Variants in BST1 observed in about 807,000 individuals in gnomAD.
BST1 encodes ADP-ribosyl cyclase/cyclic ADP-ribose hydrolase 2.
Under a neutral mutation model 40.6 loss-of-function variants are expected in BST1, and 49 were observed. That is an observed-to-expected ratio of 1.21 (90% CI 0.96 to 1.53). The LOEUF (loss-of-function observed/expected upper bound fraction) is 1.53. Among genes scored for constraint, BST1 ranks in the 40% most tolerant of loss-of-function variants. BST1 has a pLI of 0.00. For missense variants in BST1, 423 were observed against 395.9 expected (o/e 1.07, Z -0.58); for synonymous variants, 157 against 159.3 (o/e 0.99, Z 0.11).
At chr4:15,763,694 G>A in the BST1 span, among the ~76,000 whole-genome samples, 1 of 151,928 alleles carries the variant, frequency 6.6e-6, no homozygotes, top group Non-Finnish European at 1.5e-5. Flanking sequence ...GTTGGTAAAT[G>A]GATAAATTGT....
chr4:15,706,047 C>G (rs1253862682), intron 2 of BST1, among the ~76,000 whole-genome samples: 2 of 152,162 alleles, frequency 1.3e-5, no homozygotes, highest in African/African-American at 4.8e-5. Context: ...TTGTAAACAA[C>G]TGGATCTTCT....
chr4:15,707,966 G>T (rs1229745139), intron 3 of BST1, among the ~76,000 whole-genome samples: 1 of 150,872 alleles, frequency 6.6e-6, no homozygotes, highest in Non-Finnish European at 1.5e-5. Flanking sequence ...CAACCTCATG[G>T]GATCCTATCA....
chr4:15,711,918 G>A (rs1295999257), intron 4 of BST1, 29 bp downstream of exon 4: 14 of 1,585,182 alleles, frequency 8.8e-6, no homozygotes, highest in Admixed American at 1.7e-5. Context: ...CTGAGTGGTT[G>A]AGCATGTGTG....
the BST1 span, among the ~76,000 whole-genome samples, chr4:15,773,622 G>A: frequency 3.9e-5 from 6 of 152,142 alleles, no homozygotes; most frequent in South Asian, 6.2e-4. Flanking sequence ...GCAACATGGC[G>A]AAACCCCATC....
the BST1 span, among the ~76,000 whole-genome samples, chr4:15,762,138 G>A: frequency 7.2e-6 from 1 of 138,252 alleles, no homozygotes; most frequent in Non-Finnish European, 1.5e-5. Context: ...GCGGTGAGCC[G>A]AGATCGCGCC....
chr4:15,726,062 C>T (rs1721092233), intron 8 of BST1, among the ~76,000 whole-genome samples: 3 of 145,888 alleles, frequency 2.1e-5, no homozygotes, highest in African/African-American at 5.0e-5. Context: ...CCTGGGCTCA[C>T]GTGATCCTCC....
At chr4:15,739,676 G>A (rs1031691793), downstream of BST1, among the ~76,000 whole-genome samples, 17 of 151,968 alleles carry the variant, frequency 1.1e-4, 1 homozygote, top group Admixed American at 9.8e-4. Context: ...TAGGACATGT[G>A]ACACAGTAAC....
downstream of BST1, among the ~76,000 whole-genome samples, chr4:15,739,929 GAGAC>G (rs753944568): frequency 3.0e-4 from 46 of 152,110 alleles, no homozygotes; most frequent in Middle Eastern, 6.8e-3. Flanking sequence ...GACAGAGAGA[GAGAC>G]AGACAGACAG....
intron 4 of BST1, among the ~76,000 whole-genome samples, chr4:15,713,127 T>C (rs1252974213): frequency 6.6e-6 from 1 of 152,044 alleles, no homozygotes; most frequent in Non-Finnish European, 1.5e-5. Flanking sequence ...TAGTGTGGTA[T>C]AGTGATGGGA....
chr4:15,751,146 A>T, the BST1 span, among the ~76,000 whole-genome samples: 7 of 152,340 alleles, frequency 4.6e-5, no homozygotes, highest in South Asian at 4.1e-4. Context: ...CATGGAGTGG[A>T]TAGGCAGGTG....
chr4:15,708,338 T>G (rs1345105241), intron 3 of BST1, among the ~76,000 whole-genome samples: 1 of 152,190 alleles, frequency 6.6e-6, no homozygotes, highest in African/African-American at 2.4e-5. Flanking sequence ...ACTGTGGTGC[T>G]AGGAGCTGGA....
At chr4:15,736,043 A>G, downstream of BST1, 5 of 1,280,616 alleles carry the variant, frequency 3.9e-6, no homozygotes, top group East Asian at 5.6e-5. Flanking sequence ...GCACATATTT[A>G]TATTTATAGA....
the BST1 span, among the ~76,000 whole-genome samples, chr4:15,748,451 C>T: frequency 2.6e-5 from 4 of 152,254 alleles, no homozygotes; most frequent in African/African-American, 9.6e-5. Flanking sequence ...TCTGGGGGGT[C>T]ATGGGAATCT....
rs562830679 is a variant in BST1, at chr4:15,712,855, G to C, written c.534+966G>C. ...CACAGACTCCAGTCAGTTGGCAGTG[G>C]CTGCCAGGGCCCCTCATTGAGAACT... On this transcript the variant is annotated intron_variant, in intron 4 of 8. Coordinates refer to ENST00000265016, the MANE Select transcript of BST1 (RefSeq NM_004334.3). Among the ~76,000 whole-genome samples, 264 of 152,330 alleles carry C rather than the reference G, an allele frequency of 1.7e-3. 4 individuals are homozygous for C. Among genetic ancestry groups the C allele is most frequent in the Non-Finnish European group, 5.4e-4 (37 of 68,022 alleles).
At chr4:15,758,296 C>A in the BST1 span, among the ~76,000 whole-genome samples, 1 of 152,130 alleles carries the variant, frequency 6.6e-6, no homozygotes, top group East Asian at 1.9e-4. Flanking sequence ...CCTCCCCTTC[C>A]GCCCTGTCTC....
chr4:15,721,824 G>A (rs527527111), intron 7 of BST1, among the ~76,000 whole-genome samples: 1 of 152,112 alleles, frequency 6.6e-6, no homozygotes, highest in East Asian at 1.9e-4. Flanking sequence ...ATAAAAATAT[G>A]TGCATCAAGT....
the BST1 span, among the ~76,000 whole-genome samples, chr4:15,749,366 T>G: frequency 6.6e-6 from 1 of 152,182 alleles, no homozygotes; most frequent in African/African-American, 2.4e-5. Context: ...TCCAAATGCT[T>G]CACAGTTGAG....
the BST1 span, among the ~76,000 whole-genome samples, chr4:15,759,286 G>A: frequency 8.6e-5 from 13 of 152,046 alleles, no homozygotes; most frequent in African/African-American, 3.1e-4. Flanking sequence ...CTGCTCAAGG[G>A]CTGACTGGTA....
the BST1 span, chr4:15,743,503 GA>G: frequency 1.0e-3 from 297 of 291,112 alleles, 2 homozygotes; most frequent in African/African-American, 6.3e-3. Context: ...AACTAAAACA[GA>G]AAAAAATCCT....
Sources: allele counts gnomAD v4.1 joint callset (sites outside exome capture counted in the v4.1 genomes callset), GRCh38; gene constraint gnomAD v4.1.1; transcripts MANE v1.5; gene names NCBI Gene and HGNC (gene_info 2026-07-23, HGNC 2026-07-21).